Variants in LARP1 observed in about 807,000 individuals in gnomAD.
LARP1 encodes the protein la-related protein 1.
A neutral mutation model predicts 122.7 loss-of-function variants in LARP1; 36 were observed. That is an observed-to-expected ratio of 0.29 (90% confidence interval 0.22 to 0.39). The LOEUF (loss-of-function observed/expected upper bound fraction) is 0.39. Among genes scored for constraint, LARP1 ranks in the 10% least tolerant of loss-of-function variants. The pLI is 1.00. For missense variants in LARP1, 1,040 were observed against 1,403.6 expected (o/e 0.74, Z 4.14); for synonymous variants, 539 against 528.7 (o/e 1.02, Z -0.27).
At chr5:154,689,088 G>A (rs1754070824) in intron 1 of LARP1, among the ~76,000 whole-genome samples, 1 of 151,968 alleles carries the variant, frequency 6.6e-6, no homozygotes, top group Non-Finnish European at 1.5e-5. Context: ...GGAGGCCGAG[G>A]TGGGTGGATC....
intron 16 of LARP1, among the ~76,000 whole-genome samples, chr5:154,809,976 G>T (rs191964421): frequency 4.2e-4 from 63 of 151,640 alleles, no homozygotes; most frequent in Non-Finnish European, 8.0e-4. Flanking sequence ...CAAAGTGCTG[G>T]GATTACTTTG....
At chr5:154,779,628 C>G (rs1318903197) in intron 1 of LARP1, among the ~76,000 whole-genome samples, 2 of 151,936 alleles carry the variant, frequency 1.3e-5, no homozygotes, top group Non-Finnish European at 2.9e-5. Flanking sequence ...CCTGCCTAAG[C>G]CTCCCGAGTA....
Position 154,811,278 on chromosome 5 carries a change from A to G in LARP1, c.2875A>G (p.Ser959Gly). ...YGLECLFRYY[S>G]YGLEKKFRLD... The stretch of plus-strand genomic sequence containing the variant: ...TTTGGAGTGCCTTTTTCGATACTAC[A>G]GTTATGGCCTGGAAAAGAAGTTCCG... The change falls in exon 17 of 19, where the codon AGT becomes GGT. Residue 959 changes from serine to glycine, a missense_variant. Coordinates refer to ENST00000518297, the MANE Select transcript of LARP1 (RefSeq NM_033551.3). 1.2e-6 allele frequency: 2 copies of G among 1,614,182 alleles called. No homozygotes were observed. Among genetic ancestry groups the G allele is most frequent in the Non-Finnish European group, 1.7e-6 (2 of 1,180,036 alleles).
intron 15 of LARP1, among the ~76,000 whole-genome samples, chr5:154,806,621 A>T (rs1456842611): frequency 6.6e-6 from 1 of 152,194 alleles, no homozygotes; most frequent in Non-Finnish European, 1.5e-5. Flanking sequence ...GCCTGTCTAG[A>T]TGCTCTTGTC....
upstream of LARP1, among the ~76,000 whole-genome samples, chr5:154,754,063 C>G (rs1194458923): frequency 6.6e-6 from 1 of 152,170 alleles, no homozygotes; most frequent in Non-Finnish European, 1.5e-5. Flanking sequence ...AGTCCCAGAC[C>G]GAGCCTGATT....
intron 8 of LARP1, 99 bp from the exon 9 acceptor site, chr5:154,799,492 C>A: frequency 1.6e-6 from 2 of 1,239,418 alleles, no homozygotes; most frequent in Non-Finnish European, 2.3e-6. Context: ...TAGCATTGGA[C>A]TCATACCAAG....
At chr5:154,695,131 T>G (rs2396997) in intron 1 of LARP1, among the ~76,000 whole-genome samples, 14,076 of 152,058 alleles carry the variant, frequency 0.093, 1,082 homozygotes, top group African/African-American at 0.2. Flanking sequence ...CTGGCTAACA[T>G]GGTGAAACCC....
chr5:154,777,883 G>A (rs933899349), intron 1 of LARP1, among the ~76,000 whole-genome samples: 9 of 152,120 alleles, frequency 5.9e-5, no homozygotes, highest in Non-Finnish European at 1.0e-4. Flanking sequence ...GTATAGGGCA[G>A]CTCTATTATA....
chr5:154,752,234 T>C (rs776927744), upstream of LARP1, among the ~76,000 whole-genome samples: 11 of 152,174 alleles, frequency 7.2e-5, no homozygotes, highest in Non-Finnish European at 1.6e-4. Context: ...TTTCTTTTTC[T>C]TCCTTTTTCT....
At chr5:154,768,946 A>C (rs867703815) in intron 1 of LARP1, among the ~76,000 whole-genome samples, 1 of 152,082 alleles carries the variant, frequency 6.6e-6, no homozygotes, top group Admixed American at 6.6e-5. Flanking sequence ...AGTTCAAGCA[A>C]TTCTCCTGTG....
chr5:154,760,006 C>T (rs1754320224), intron 1 of LARP1, among the ~76,000 whole-genome samples: 3 of 151,124 alleles, frequency 2.0e-5, no homozygotes, highest in Admixed American at 2.0e-4. Context: ...GTGGTGTGAT[C>T]TCGGCCCACT....
chr5:154,810,444 G>GA lies in LARP1; in HGVS notation c.2844-793dup, dbSNP rs1175760326. On this transcript the variant is annotated intron_variant, in intron 16 of 18. Coordinates refer to ENST00000518297, the MANE Select transcript of LARP1 (RefSeq NM_033551.3). ...GAGCGAGACTCTGTCTCAAAAAAAA[G>GA]AAAAAAAAAAGATCTAAATCTATTG... 9.5e-3 allele frequency among the ~76,000 whole-genome samples: 1,373 copies of GA among 144,600 alleles called. 21 individuals carry two copies. Among genetic ancestry groups the GA allele is most frequent in the African/African-American group, 0.031 (1,213 of 39,434 alleles). 94.9% of individuals were successfully genotyped at this position (144,600 alleles called of 152,430 possible). A position where few individuals can be genotyped will look rare whatever the true frequency, so the allele number is the denominator to read the frequency against.
rs186719778 is a variant in LARP1 at position 154,785,746 on chromosome 5, C to T, written c.437-4579C>T. Among the ~76,000 whole-genome samples the T allele has an allele frequency of 2.2e-3, 338 of 152,176 alleles. 6 individuals are homozygous for T. The highest frequency in any genetic ancestry group is 7.9e-3 in the African/African-American group (329 of 41,508). On this transcript the variant is annotated intron_variant, in intron 1 of 18. Coordinates refer to ENST00000518297, the MANE Select transcript of LARP1 (RefSeq NM_033551.3). Reference sequence around the variant, plus strand: ...AATCTCGGGGTTAGACATTCGAGGTCGTGTGGTCATTAACCACTCCACTTT... The same window carrying T: ...AATCTCGGGGTTAGACATTCGAGGTTGTGTGGTCATTAACCACTCCACTTT...
chr5:154,722,922 C>T (rs970857010), intron 1 of LARP1, among the ~76,000 whole-genome samples: 34 of 152,140 alleles, frequency 2.2e-4, no homozygotes, highest in Non-Finnish European at 2.9e-5. Context: ...CTCAGGTGAT[C>T]CACCCACCTC....
At chr5:154,714,429 G>C (rs183358255) in intron 1 of LARP1, among the ~76,000 whole-genome samples, 1 of 152,300 alleles carries the variant, frequency 6.6e-6, no homozygotes, top group East Asian at 1.9e-4. Context: ...AGGGGAAATA[G>C]CTCACTGAGT....
intron 1 of LARP1, among the ~76,000 whole-genome samples, chr5:154,788,951 C>T (rs942857507): frequency 4.6e-5 from 7 of 152,136 alleles, no homozygotes; most frequent in African/African-American, 1.4e-4. Context: ...GTGGCTGACG[C>T]CTGTAATCCC....
At chr5:154,695,389 G>A (rs1754421892) in intron 1 of LARP1, among the ~76,000 whole-genome samples, 1 of 151,806 alleles carries the variant, frequency 6.6e-6, no homozygotes, top group South Asian at 2.1e-4. Flanking sequence ...ATCACAATAT[G>A]GCTTATGCAT....
chr5:154,695,053 C>T (rs879228844), intron 1 of LARP1, among the ~76,000 whole-genome samples: 2 of 152,054 alleles, frequency 1.3e-5, no homozygotes, highest in African/African-American at 4.8e-5. Flanking sequence ...CGGTGGCTCA[C>T]GCCTGTAATC....
At chr5:154,762,194 G>T (rs1212539057) in intron 1 of LARP1, among the ~76,000 whole-genome samples, 1 of 152,158 alleles carries the variant, frequency 6.6e-6, no homozygotes, top group Non-Finnish European at 1.5e-5. Context: ...AGTGAGCTGA[G>T]ATCGTGCCAC....
Sources: gnomAD v4.1 joint callset for allele counts (sites outside exome capture counted in the v4.1 genomes callset) on GRCh38, gnomAD v4.1.1 for gene constraint, MANE v1.5 for transcripts, NCBI Gene and HGNC (gene_info 2026-07-23, HGNC 2026-07-21) for gene names.